The following PCDHGA8 variants were observed in gnomAD, a reference collection of about 807,000 sequenced individuals.
PCDHGA8 encodes protocadherin gamma subfamily A, 8, also known as protocadherin gamma-A8.
A neutral mutation model predicts 59.2 loss-of-function variants in PCDHGA8; 45 were observed. The ratio of observed to expected loss-of-function variants is 0.76; its 90% CI spans 0.60 to 0.98. The LOEUF is 0.98. PCDHGA8 is among the 50% of genes least tolerant of loss of function. PCDHGA8 has a pLI of 0.00. For missense variants in PCDHGA8, 1,257 were observed against 1,196.2 expected (o/e 1.05, Z -0.75); for synonymous variants, 531 against 519.0 (o/e 1.02, Z -0.32).
chr5:141,430,754 A>G (rs778266116), intron 1 of PCDHGA8: 26 of 1,503,884 alleles, frequency 1.7e-5, no homozygotes, highest in East Asian at 4.6e-5. Flanking sequence ...CTGGAGGAAG[A>G]TAAGAATGAT....
chr5:141,406,732 G>A (rs1190275382), intron 1 of PCDHGA8, among the ~76,000 whole-genome samples: 1 of 152,142 alleles, frequency 6.6e-6, no homozygotes, highest in Non-Finnish European at 1.5e-5. Context: ...TCTAAGACTG[G>A]ACACTGTGAA....
intron 1 of PCDHGA8, among the ~76,000 whole-genome samples, chr5:141,435,444 A>T (rs1471113812): frequency 1.3e-5 from 2 of 152,216 alleles, no homozygotes; most frequent in South Asian, 2.1e-4. Context: ...TTTCATTAAT[A>T]CGATATCTGT....
chr5:141,475,984 G>A, intron 1 of PCDHGA8: 2 of 1,069,308 alleles, frequency 1.9e-6, no homozygotes, highest in Non-Finnish European at 2.7e-6. Flanking sequence ...AACAGCCGGC[G>A]AGCAAATCAA....
chr5:141,404,902 C>T, intron 1 of PCDHGA8: 1 of 1,613,856 alleles, frequency 6.2e-7, no homozygotes, highest in Non-Finnish European at 8.5e-7. Context: ...AGGACCATGG[C>T]CAGCCCCCTC....
chr5:141,395,542 T>TTGTTTGTGTGTG (rs1267535064), intron 1 of PCDHGA8: 12 of 168,716 alleles, frequency 7.1e-5, no homozygotes, highest in African/African-American at 6.9e-4. Flanking sequence ...TTGCTATTGT[T>TTGTTTGTGTGTG]TGTGTGTGTG....
intron 1 of PCDHGA8, among the ~76,000 whole-genome samples, chr5:141,488,007 G>A (rs1269050547): frequency 6.6e-6 from 1 of 152,178 alleles, no homozygotes; most frequent in African/African-American, 2.4e-5. Flanking sequence ...ATCAGATTCT[G>A]AAGTACCTTA....
chr5:141,474,417 C>A (rs1321402346), intron 1 of PCDHGA8, among the ~76,000 whole-genome samples: 1 of 152,222 alleles, frequency 6.6e-6, no homozygotes, highest in African/African-American at 2.4e-5. Context: ...GATGCCTAGA[C>A]CATTGGTCCT....
chr5:141,505,255 C>T (rs2099844853), intron 2 of PCDHGA8, 138 bp from the exon 3 acceptor site: 1 of 1,481,112 alleles, frequency 6.8e-7, no homozygotes, highest in Admixed American at 2.1e-5. Context: ...AGAAGTGCCT[C>T]CTACCTTGCT....
intron 1 of PCDHGA8, chr5:141,398,744 GTTACCATCGT>G (rs765550213): frequency 1.3e-4 from 209 of 1,613,736 alleles, no homozygotes; most frequent in Non-Finnish European, 1.7e-4. Context: ...GAACAACAGA[GTTACCATCGT>G]TTAGTCCTGA....
chr5:141,410,201 A>G, intron 1 of PCDHGA8: 3 of 1,613,988 alleles, frequency 1.9e-6, no homozygotes, highest in Non-Finnish European at 2.5e-6. Context: ...CTTCGCAGAC[A>G]ACTTGCAAGA....
chr5:141,410,332 C>T (rs541138780), intron 1 of PCDHGA8: 2 of 1,614,002 alleles, frequency 1.2e-6, no homozygotes, highest in Non-Finnish European at 1.7e-6. Context: ...TGATTCTGGC[C>T]ATTGCCTTGC....
chr5:141,460,289 T>C, intron 1 of PCDHGA8, among the ~76,000 whole-genome samples: 1 of 152,148 alleles, frequency 6.6e-6, no homozygotes, highest in East Asian at 1.9e-4. Context: ...TTTGTATTTC[T>C]TATGTCCTAT....
intron 1 of PCDHGA8, chr5:141,413,152 G>C: frequency 1.3e-6 from 2 of 1,574,694 alleles, no homozygotes; most frequent in Non-Finnish European, 1.7e-6. Flanking sequence ...TGAGGACTTT[G>C]CAGAATTCTG....
chr5:141,421,782 C>A, intron 1 of PCDHGA8: 1 of 1,613,878 alleles, frequency 6.2e-7, no homozygotes, highest in Non-Finnish European at 8.5e-7. Context: ...AACTGCGGGG[C>A]AGAACGGATG....
intron 1 of PCDHGA8, among the ~76,000 whole-genome samples, chr5:141,437,036 G>A (rs916860661): frequency 6.6e-6 from 1 of 152,294 alleles, no homozygotes; most frequent in Middle Eastern, 3.4e-3. Flanking sequence ...ATGGATCACC[G>A]AAACCAGAAG....
rs2099413641 is a variant in PCDHGA8, at chr5:141,477,586, T to C, written c.2425-17221T>C. The C allele has an allele frequency of 1.9e-6, 3 of 1,614,022 alleles. No individual in the cohort carries two copies. The highest frequency in any genetic ancestry group is 2.5e-6 in the Non-Finnish European group (3 of 1,180,036). On this transcript the variant is annotated intron_variant, in intron 1 of 3. Transcript: ENST00000398604. This position sits in a 1 kb window ranked among gnomAD's most constrained non-coding sequence, Gnocchi z 4.9. ...GGGACCCCGACGCCCCGCAGAATGC[T>C]CGGCTTTCTTTCTTTCTCTTGGAGC... is the stretch of plus-strand genomic sequence containing the variant.
At chr5:141,409,709 T>G (rs1328690143) in intron 1 of PCDHGA8, 2 of 1,613,198 alleles carry the variant, frequency 1.2e-6, no homozygotes, top group Non-Finnish European at 8.5e-7. Context: ...GGCGGTGTCG[T>G]CATACGTGTC....
intron 1 of PCDHGA8, chr5:141,424,160 CATCT>C (rs1554117117): frequency 1.5e-5 from 4 of 273,202 alleles, no homozygotes; most frequent in South Asian, 1.4e-4. Flanking sequence ...CTCTCCTTCT[CATCT>C]ATCTATCTAT....
intron 1 of PCDHGA8, chr5:141,410,110 C>A (rs1361292941): frequency 6.2e-7 from 1 of 1,612,540 alleles, no homozygotes; most frequent in Admixed American, 1.7e-5. Flanking sequence ...GCGACAGGGA[C>A]GCAGCCCGCC....
Sources: allele counts gnomAD v4.1 joint callset (sites outside exome capture counted in the v4.1 genomes callset), GRCh38; gene constraint gnomAD v4.1.1; non-coding constraint Gnocchi (gnomAD v3.1); transcripts MANE v1.5; gene names NCBI Gene and HGNC (gene_info 2026-07-23, HGNC 2026-07-21).